NELL1: variants seen among roughly 807,000 people sequenced by gnomAD.
NELL1 encodes neural EGFL like 1.
A neutral mutation model predicts 107.4 loss-of-function variants in NELL1; 76 were observed. The observed-to-expected ratio is 0.71, with a 90% confidence interval of 0.59 to 0.86. The LOEUF is 0.86. Among genes scored for constraint, NELL1 ranks in the 40% least tolerant of loss-of-function variants. The probability of loss-of-function intolerance (pLI) is 0.00; values close to 1 mark genes in which losing one functional copy is unlikely to be tolerated. For synonymous variants in NELL1, 353 were observed against 341.2 expected, an observed-to-expected ratio of 1.03 and a Z score of -0.38; for missense variants, 1,024 against 1,005.5, an observed-to-expected ratio of 1.02 and a Z score of -0.25.
At chr11:21,444,012 G>A (rs1853357053) in intron 15 of NELL1, among the ~76,000 whole-genome samples, 1 of 151,924 alleles carries the variant, frequency 6.6e-6, no homozygotes, top group Admixed American at 6.6e-5. Flanking sequence ...CAAGTTAACA[G>A]TTTATATATA....
chr11:21,252,490 A>T (rs1228247973), intron 14 of NELL1, among the ~76,000 whole-genome samples: 1 of 152,166 alleles, frequency 6.6e-6, no homozygotes, highest in Non-Finnish European at 1.5e-5. Context: ...AATCTCATGC[A>T]GCTAAAGGAA....
chr11:21,185,494 C>T (rs1006216716), intron 13 of NELL1, among the ~76,000 whole-genome samples: 3 of 151,536 alleles, frequency 2.0e-5, no homozygotes, highest in Admixed American at 6.6e-5. Flanking sequence ...GGAGTTCCAC[C>T]ATGTTGACCA....
chr11:21,516,723 T>TCACA (rs922358009), intron 15 of NELL1, among the ~76,000 whole-genome samples: 4 of 145,874 alleles, frequency 2.7e-5, no homozygotes, highest in Admixed American at 2.1e-4. Context: ...GGTCTGTCAA[T>TCACA]CACACACACA....
intron 12 of NELL1, among the ~76,000 whole-genome samples, chr11:21,096,779 A>G (rs1483595007): frequency 6.6e-6 from 1 of 152,052 alleles, no homozygotes; most frequent in African/African-American, 2.4e-5. Flanking sequence ...CAGTGGCACA[A>G]TCATGGCTCA....
At chr11:21,379,273 G>C (rs1014732994) in intron 15 of NELL1, among the ~76,000 whole-genome samples, 7 of 151,994 alleles carry the variant, frequency 4.6e-5, no homozygotes, top group African/African-American at 1.7e-4. Flanking sequence ...TTGTAGGCTA[G>C]AACACAGTCT....
Position 21,437,131 on chromosome 11 carries a change from G to T in NELL1, c.1645+66183G>T, listed in dbSNP as rs78567209. Among the ~76,000 whole-genome samples the T allele has an allele frequency of 3.2e-3, 481 of 152,160 alleles. 5 individuals carry two copies. The highest frequency in any genetic ancestry group is 0.011 in the African/African-American group (450 of 41,536). On this transcript the variant is annotated intron_variant, in intron 15 of 19. Coordinates refer to ENST00000357134, the MANE Select transcript of NELL1 (RefSeq NM_006157.5). Reference sequence around the variant, plus strand: ...CTGCAAATATCTGTTAAGGCCTTTTGATCTATAGTGAAGTTTTAATTCAAT... The same window carrying T: ...CTGCAAATATCTGTTAAGGCCTTTTTATCTATAGTGAAGTTTTAATTCAAT...
Position 21,570,805 on chromosome 11 carries a change from G to T in NELL1, c.2022G>T (p.Gln674His). The T allele has an allele frequency of 6.2e-7, 1 of 1,611,454 alleles. No individual in the cohort carries two copies. The highest frequency in any genetic ancestry group is 8.5e-7 in the Non-Finnish European group (1 of 1,178,504). ...IFCRRTACDC[Q>H]NPSADLFCCP... ...GCCGACGGACAGCTTGTGATTGCCA[G>T]AATCCAAGTGCTGACCTATTCTGTT... Residue 674 changes from glutamine to histidine, a missense_variant, in exon 18 of 20, where the codon CAG becomes CAT. By Grantham distance (24) the Gln-to-His change is conservative. Transcript: ENST00000357134.
At chr11:20,960,260 C>T (rs1197251427) in intron 11 of NELL1, among the ~76,000 whole-genome samples, 172 bp from the exon 12 acceptor site, 1 of 152,118 alleles carries the variant, frequency 6.6e-6, no homozygotes, top group Non-Finnish European at 1.5e-5. Context: ...CCTTGGACAG[C>T]CCAAAGTTTC....
chr11:20,721,580 G>A (rs1334230295), intron 2 of NELL1, among the ~76,000 whole-genome samples: 1 of 152,246 alleles, frequency 6.6e-6, no homozygotes, highest in South Asian at 2.1e-4. Context: ...AAATTTCATT[G>A]GCCAAAGTAA....
intron 2 of NELL1, among the ~76,000 whole-genome samples, chr11:20,733,117 T>C (rs1855685075): frequency 6.6e-6 from 1 of 152,178 alleles, no homozygotes. Context: ...ATGGCTGCTA[T>C]CCAAGTGTGT....
chr11:20,702,222 C>G (rs765647654), intron 2 of NELL1, among the ~76,000 whole-genome samples: 39 of 152,166 alleles, frequency 2.6e-4, no homozygotes, highest in Non-Finnish European at 5.3e-4. Context: ...AGAGGTCCTT[C>G]ACATCCCTTG....
chr11:21,301,314 C>T (rs11026009), intron 14 of NELL1, among the ~76,000 whole-genome samples: 32,274 of 151,990 alleles, frequency 0.21, 3,954 homozygotes, highest in South Asian at 0.41. Flanking sequence ...CTTGAGGAAT[C>T]GCCACACTGT....
chr11:21,497,592 ATTTTG>A (rs1201663474), intron 15 of NELL1, among the ~76,000 whole-genome samples: 1 of 152,112 alleles, frequency 6.6e-6, no homozygotes, highest in African/African-American at 2.4e-5. Flanking sequence ...ATATTTTAAT[ATTTTG>A]TTTGTGAGCA....
At chr11:20,958,142 G>T (rs553947133) in intron 11 of NELL1, among the ~76,000 whole-genome samples, 1 of 152,240 alleles carries the variant, frequency 6.6e-6, no homozygotes, top group South Asian at 2.1e-4. Flanking sequence ...ACAAGGCTGG[G>T]TGTGGTGGCT....
chr11:20,746,551 G>T (rs1318232485), intron 2 of NELL1, among the ~76,000 whole-genome samples: 1 of 143,024 alleles, frequency 7.0e-6, no homozygotes, highest in East Asian at 2.2e-4. Context: ...TTTAAAAGTG[G>T]AATTGTGACA....
chr11:20,819,344 A>G (rs1857696925), intron 3 of NELL1, among the ~76,000 whole-genome samples: 1 of 152,064 alleles, frequency 6.6e-6, no homozygotes, highest in Admixed American at 6.6e-5. Context: ...GTGGCGTTTA[A>G]CCCAATTACA....
At chr11:20,694,584 G>T (rs542473188) in intron 2 of NELL1, among the ~76,000 whole-genome samples, 2 of 152,028 alleles carry the variant, frequency 1.3e-5, no homozygotes, top group Admixed American at 1.3e-4. Context: ...TAGGCGTGTG[G>T]TTTTATTTCT....
chr11:21,556,200 T>A (rs1348412221), intron 16 of NELL1, among the ~76,000 whole-genome samples: 1 of 151,928 alleles, frequency 6.6e-6, no homozygotes, highest in Non-Finnish European at 1.5e-5. Flanking sequence ...TCTGAGCCAC[T>A]CATAATGATT....
chr11:21,478,331 C>T (rs1297511235), intron 15 of NELL1, among the ~76,000 whole-genome samples: 1 of 152,104 alleles, frequency 6.6e-6, no homozygotes. Context: ...AAGGCCAAAC[C>T]ATATCATTCT....
Sources: gnomAD v4.1 joint callset for allele counts (sites outside exome capture counted in the v4.1 genomes callset) on GRCh38, gnomAD v4.1.1 for gene constraint, MANE v1.5 for transcripts, NCBI Gene and HGNC (gene_info 2026-07-23, HGNC 2026-07-21) for gene names.